The following ZNF33A variants were observed in gnomAD, a reference collection of about 807,000 sequenced individuals.
ZNF33A encodes the protein brain my041 protein.
A neutral mutation model predicts 15.9 loss-of-function variants in ZNF33A; 9 were observed. The observed-to-expected ratio is 0.57, with a 90% CI of 0.34 to 0.99. The LOEUF is 0.99. Ranked by LOEUF, ZNF33A falls within the 50% of genes least tolerant of loss-of-function variation. The probability of loss-of-function intolerance (pLI) is 0.02; values close to 1 mark genes in which losing one functional copy is unlikely to be tolerated. For missense variants in ZNF33A, 843 were observed against 941.6 expected, an observed-to-expected ratio of 0.90 and a Z score of 1.37; for synonymous variants, 294 against 324.2, an observed-to-expected ratio of 0.91 and a Z score of 1.00.
chr10:38,048,175 T>C (rs1486378145), intron 4 of ZNF33A, among the ~76,000 whole-genome samples: 1 of 152,176 alleles, frequency 6.6e-6, no homozygotes, highest in African/African-American at 2.4e-5. Context: ...TGATGTCTGA[T>C]GGAAATCTGG....
At chr10:38,033,856 G>C (rs2065325272) in intron 4 of ZNF33A, among the ~76,000 whole-genome samples, 1 of 152,006 alleles carries the variant, frequency 6.6e-6, no homozygotes, top group South Asian at 2.1e-4. Flanking sequence ...GGGATTACAG[G>C]TGCCCACCAC....
chr10:38,022,160 A>G (rs750763512), intron 4 of ZNF33A, among the ~76,000 whole-genome samples: 12 of 152,208 alleles, frequency 7.9e-5, no homozygotes, highest in Admixed American at 2.0e-4. Context: ...AAAATTGAAA[A>G]TAGGAAAAAG....
chr10:38,039,658 A>T (rs1343719064), intron 4 of ZNF33A: 1 of 441,560 alleles, frequency 2.3e-6, no homozygotes, highest in South Asian at 1.6e-5. Flanking sequence ...TTGAAGTTAA[A>T]TAATTTGTTG....
At chr10:38,014,102 T>A (rs2135534760) in intron 2 of ZNF33A, among the ~76,000 whole-genome samples, 1 of 140,378 alleles carries the variant, frequency 7.1e-6, no homozygotes. Flanking sequence ...GGGTGCAGTG[T>A]GCGATCTTGG....
intron 2 of ZNF33A, among the ~76,000 whole-genome samples, chr10:38,014,952 A>C (rs1015142040): frequency 2.6e-5 from 4 of 151,694 alleles, no homozygotes; most frequent in African/African-American, 9.7e-5. Context: ...CAGCTTATGC[A>C]ACCTCCACCT....
upstream of ZNF33A, chr10:38,010,618 C>G (rs746880239): frequency 3.9e-6 from 5 of 1,275,830 alleles, no homozygotes; most frequent in East Asian, 9.2e-5. Context: ...AGGGCGCCAA[C>G]AGCATCAAGC....
chr10:38,026,563 C>T (rs2065001091), intron 4 of ZNF33A, among the ~76,000 whole-genome samples: 1 of 152,198 alleles, frequency 6.6e-6, no homozygotes, highest in Admixed American at 6.5e-5. Context: ...CACCTGACCT[C>T]AGGTGATCCA....
chr10:38,050,077 G>A (rs1218544084), intron 4 of ZNF33A, among the ~76,000 whole-genome samples: 1 of 152,158 alleles, frequency 6.6e-6, no homozygotes, highest in African/African-American at 2.4e-5. Flanking sequence ...GTGAATTCCA[G>A]CAAACAATTA....
intron 4 of ZNF33A, among the ~76,000 whole-genome samples, chr10:38,018,430 T>C (rs529384757): frequency 4.7e-4 from 72 of 152,036 alleles, no homozygotes; most frequent in Non-Finnish European, 9.6e-4. Context: ...GAGGGGTTGA[T>C]TGGAGGAAGG....
chr10:38,026,836 C>T (rs367807714), intron 4 of ZNF33A, among the ~76,000 whole-genome samples: 13 of 152,170 alleles, frequency 8.5e-5, no homozygotes, highest in African/African-American at 2.7e-4. Flanking sequence ...AAACTGTCGC[C>T]ATTAAGCGGT....
chr10:38,060,327 C>G (rs990709810), downstream of ZNF33A, among the ~76,000 whole-genome samples: 1 of 152,148 alleles, frequency 6.6e-6, no homozygotes, highest in Non-Finnish European at 1.5e-5. Context: ...TCCTCCTTGT[C>G]AGGGGGGCCA....
chr10:38,042,118 A>G (rs1238296861), intron 4 of ZNF33A, among the ~76,000 whole-genome samples: 2 of 151,226 alleles, frequency 1.3e-5, no homozygotes, highest in Non-Finnish European at 2.9e-5. Context: ...GCTTCAATTC[A>G]TTTGTTTGTG....
At chr10:38,033,817 A>G (rs1052180838) in intron 4 of ZNF33A, among the ~76,000 whole-genome samples, 4 of 151,452 alleles carry the variant, frequency 2.6e-5, no homozygotes, top group Admixed American at 1.3e-4. Flanking sequence ...GGGTTCAAGC[A>G]GTTCTGTGCC....
chr10:38,022,133 T>C (rs1305101988), intron 4 of ZNF33A, among the ~76,000 whole-genome samples: 1 of 151,926 alleles, frequency 6.6e-6, no homozygotes, highest in Non-Finnish European at 1.5e-5. Context: ...AAAATAACAC[T>C]GGAAGCAGAA....
downstream of ZNF33A, chr10:38,064,019 G>T: frequency 6.9e-7 from 1 of 1,459,052 alleles, no homozygotes. Flanking sequence ...GGGCTTTCAG[G>T]CCATCTTCAC....
intron 4 of ZNF33A, among the ~76,000 whole-genome samples, chr10:38,032,849 C>T (rs150780156): frequency 2.3e-3 from 355 of 152,098 alleles, no homozygotes; most frequent in African/African-American, 6.3e-3. Flanking sequence ...CAGGTTCAAG[C>T]GATTCTCCTG....
At chr10:38,022,164 G>A (rs2064774423) in intron 4 of ZNF33A, among the ~76,000 whole-genome samples, 1 of 151,988 alleles carries the variant, frequency 6.6e-6, no homozygotes, top group Non-Finnish European at 1.5e-5. Context: ...TTGAAAATAG[G>A]AAAAAGTAGA....
At position 38,055,542 on chromosome 10, in the gene ZNF33A, A is replaced by C. The variant is rs866584384; in HGVS notation, c.1418A>C (p.Glu473Ala). 6.2e-7 allele frequency: 1 copy of C among 1,614,144 alleles called. No homozygotes were observed. The highest frequency in any genetic ancestry group is 1.1e-5 in the South Asian group (1 of 91,082). The change falls in exon 5 of 5, where the codon GAG becomes GCG. Residue 473 changes from glutamate (E) to alanine (A), a missense_variant. By Grantham distance (107) the Glu-to-Ala change is moderately radical. Coordinates refer to ENST00000432900, the MANE Select transcript of ZNF33A (RefSeq NM_006954.2). ...HTGEKPFECLECGKSFSEKSN... is the reference protein window; with the variant it reads ...HTGEKPFECLACGKSFSEKSN... ...GGTGAGAAACCTTTTGAATGTCTTG[A>C]GTGTGGGAAATCCTTTAGTGAAAAG...
At chr10:38,031,887 CG>C (rs2065228256) in intron 4 of ZNF33A, among the ~76,000 whole-genome samples, 1 of 152,022 alleles carries the variant, frequency 6.6e-6, no homozygotes, top group African/African-American at 2.4e-5. Flanking sequence ...TGCTTGAACC[CG>C]GGAGGCGGAG....
Sources: allele counts gnomAD v4.1 joint callset (sites outside exome capture counted in the v4.1 genomes callset), GRCh38; gene constraint gnomAD v4.1.1; transcripts MANE v1.5; gene names NCBI Gene and HGNC (gene_info 2026-07-23, HGNC 2026-07-21).